The following AKAP13 variants were observed in gnomAD, a reference collection of about 807,000 sequenced individuals.
The protein encoded by AKAP13 is A-kinase anchoring protein 13.
AKAP13 carries 80 observed loss-of-function variants against 264.5 expected under a neutral mutation model. The observed-to-expected ratio is 0.30, with a 90% CI of 0.25 to 0.36. AKAP13 has a LOEUF of 0.36. AKAP13 is among the 10% of genes least tolerant of loss of function. The probability of loss-of-function intolerance (pLI) is 1.00; values close to 1 mark genes in which losing one functional copy is unlikely to be tolerated. For synonymous variants in AKAP13, 1,380 were observed against 1,250.2 expected (o/e 1.10, Z -2.19); for missense variants, 3,712 against 3,435.2 (o/e 1.08, Z -2.01).
chr15:85,478,060 C>G (rs1250318270), intron 1 of AKAP13, among the ~76,000 whole-genome samples: 2 of 152,172 alleles, frequency 1.3e-5, no homozygotes, highest in Non-Finnish European at 2.9e-5. Flanking sequence ...CCCCCATCTT[C>G]TAGAGAGTTT....
chr15:85,381,486 C>CT (rs553047572), intron 1 of AKAP13, among the ~76,000 whole-genome samples: 27,553 of 84,194 alleles, frequency 0.33, 4,648 homozygotes, highest in Non-Finnish European at 0.43. Flanking sequence ...CCAAACAAAA[C>CT]TTTTTTTTTT....
chr15:85,521,955 G>T (rs1252253205), intron 3 of AKAP13, among the ~76,000 whole-genome samples: 1 of 152,108 alleles, frequency 6.6e-6, no homozygotes, highest in Non-Finnish European at 1.5e-5. Flanking sequence ...TTTATGGACA[G>T]GGAATAAAAG....
At chr15:85,473,354 A>C (rs2075036498) in intron 1 of AKAP13, among the ~76,000 whole-genome samples, 1 of 152,236 alleles carries the variant, frequency 6.6e-6, no homozygotes, top group Non-Finnish European at 1.5e-5. Context: ...TAAACCACGC[A>C]AACAAAAAGT....
At chr15:85,673,284 G>T (rs76598427) in intron 14 of AKAP13, among the ~76,000 whole-genome samples, 2 of 152,184 alleles carry the variant, frequency 1.3e-5, no homozygotes, top group South Asian at 4.1e-4. Flanking sequence ...ACTTTCTGGG[G>T]TGGAGAGTAG....
At chr15:85,472,211 AAAAAC>A (rs1303920251) in intron 1 of AKAP13, among the ~76,000 whole-genome samples, 9 of 151,950 alleles carry the variant, frequency 5.9e-5, no homozygotes, top group Non-Finnish European at 1.5e-5. Flanking sequence ...AAAAAAAACA[AAAAAC>A]AAAGCAGGAA....
chr15:85,711,162 C>T (rs554367431), intron 19 of AKAP13, among the ~76,000 whole-genome samples: 1 of 152,180 alleles, frequency 6.6e-6, no homozygotes, highest in South Asian at 2.1e-4. Flanking sequence ...ATTACAGGCA[C>T]GCACCACCAT....
At chr15:85,652,026 AAAT>A (rs1312239738) in intron 10 of AKAP13, among the ~76,000 whole-genome samples, 10 of 152,248 alleles carry the variant, frequency 6.6e-5, no homozygotes, top group African/African-American at 2.4e-4. Context: ...ACTGCAGTAA[AAAT>A]AATGAGTATA....
chr15:85,415,985 T>G (rs2072227819), intron 1 of AKAP13, among the ~76,000 whole-genome samples: 1 of 152,144 alleles, frequency 6.6e-6, no homozygotes, highest in African/African-American at 2.4e-5. Context: ...GGCAGATTTG[T>G]AAATAGAAGA....
At chr15:85,744,081 G>A (rs1567227974) in intron 36 of AKAP13, 2 of 486,468 alleles carry the variant, frequency 4.1e-6, no homozygotes, top group Non-Finnish European at 7.3e-6. Flanking sequence ...CGAGGAACTG[G>A]AGCTCACCCC....
chr15:85,435,857 A>C (rs1164079505), intron 1 of AKAP13, among the ~76,000 whole-genome samples: 5 of 148,508 alleles, frequency 3.4e-5, no homozygotes, highest in Non-Finnish European at 7.5e-5. Flanking sequence ...AGCCGCTGCA[A>C]AATCATGCCA....
chr15:85,381,814 T>C (rs1475057902), intron 1 of AKAP13: 1 of 152,154 alleles, frequency 6.6e-6, no homozygotes, highest in Admixed American at 6.5e-5. Context: ...GTGTGCCTTT[T>C]TTTTTGTTAG....
At chr15:85,591,627 CTTAAG>C (rs2079583097) in intron 8 of AKAP13, among the ~76,000 whole-genome samples, 1 of 150,266 alleles carries the variant, frequency 6.7e-6, no homozygotes, top group Non-Finnish European at 1.5e-5. Context: ...ACATTGAATA[CTTAAG>C]TTCAGAAAAA....
rs915944546 is a variant in AKAP13, at chr15:85,386,764, C to CT, written c.-12+5977dup. The stretch of plus-strand genomic sequence containing the variant: ...CTTTCTCTGTTGATTACCTTTGTGC[C>CT]TTTTTTTTTTTGCAAGTTGATCATA... On this transcript the variant is annotated intron_variant, in intron 1 of 36. Coordinates refer to ENST00000394518, the MANE Select transcript of AKAP13 (RefSeq NM_007200.5). Among the ~76,000 whole-genome samples the CT allele has an allele frequency of 4.1e-3, 580 of 140,706 alleles. 2 individuals carry two copies. The highest frequency in any genetic ancestry group is 7.2e-3 in the Middle Eastern group (2 of 276). 92.3% of individuals were successfully genotyped at this position (140,706 alleles called of 152,430 possible).
intron 3 of AKAP13, among the ~76,000 whole-genome samples, chr15:85,523,132 G>A (rs919886459): frequency 6.6e-6 from 1 of 152,048 alleles, no homozygotes; most frequent in Non-Finnish European, 1.5e-5. Context: ...ATGTGTGCAA[G>A]GGTACCAGTG....
chr15:85,507,610 A>G (rs1163909692), intron 2 of AKAP13, among the ~76,000 whole-genome samples: 1 of 152,172 alleles, frequency 6.6e-6, no homozygotes, highest in Non-Finnish European at 1.5e-5. Flanking sequence ...CCTAACTTCA[A>G]GTTTCTCTTT....
At chr15:85,634,881 A>T in intron 8 of AKAP13, among the ~76,000 whole-genome samples, 1 of 150,148 alleles carries the variant, frequency 6.7e-6, no homozygotes, top group Non-Finnish European at 1.5e-5. Flanking sequence ...CTTGAGATTC[A>T]TCCATGTTGT....
intron 1 of AKAP13, among the ~76,000 whole-genome samples, chr15:85,467,035 C>T (rs1268770758): frequency 6.6e-6 from 1 of 151,514 alleles, no homozygotes; most frequent in Non-Finnish European, 1.5e-5. Context: ...TCACTCATTA[C>T]CTTCTCTGCA....
intron 1 of AKAP13, among the ~76,000 whole-genome samples, chr15:85,407,635 A>G (rs750016349): frequency 2.9e-4 from 44 of 151,858 alleles, no homozygotes; most frequent in South Asian, 6.2e-4. Context: ...ACTGTGTGCA[A>G]AGAAACAGAC....
At chr15:85,504,423 T>G (rs1454826128) in intron 2 of AKAP13, among the ~76,000 whole-genome samples, 1 of 143,934 alleles carries the variant, frequency 6.9e-6, no homozygotes, top group Non-Finnish European at 1.5e-5. Context: ...TCCCAGCACT[T>G]TGGGAGGCTG....
Sources: allele counts gnomAD v4.1 joint callset (sites outside exome capture counted in the v4.1 genomes callset), GRCh38; gene constraint gnomAD v4.1.1; transcripts MANE v1.5; gene names NCBI Gene and HGNC (gene_info 2026-07-23, HGNC 2026-07-21).